CREBZF: variants seen among roughly 807,000 people sequenced by gnomAD.
CREBZF encodes the protein HCF-binding transcription factor Zhangfei.
Under a neutral mutation model 21.1 loss-of-function variants are expected in CREBZF, and 8 were observed. The observed-to-expected ratio is 0.38, with a 90% CI of 0.22 to 0.68. The LOEUF is 0.68. CREBZF is among the 30% of genes least tolerant of loss of function. CREBZF has a pLI of 0.51. For missense variants in CREBZF, 518 were observed against 484.3 expected (o/e 1.07, Z -0.65); for synonymous variants, 270 against 223.3 (o/e 1.21, Z -1.86).
At chr11:85,666,054 T>A (rs764238035), upstream of CREBZF, among the ~76,000 whole-genome samples, 14 of 152,244 alleles carry the variant, frequency 9.2e-5, no homozygotes, top group Non-Finnish European at 1.8e-4. Context: ...CCATCCTCAT[T>A]TTTTTTTCCT....
In CREBZF at chr11:85,663,650, T is replaced by C. The variant is rs773721626; in HGVS notation, c.*161A>G. On this transcript the variant is annotated 3_prime_UTR_variant, in exon 1 of 1. Transcript: ENST00000527447. ...CATGTTATCATTAGGAGTTGGTTAC[T>C]GTGTCACATTCATGCTTTTAGCTAA... The C allele has an allele frequency of 9.4e-6, 15 of 1,598,930 alleles. No homozygotes were observed. The highest frequency in any genetic ancestry group is 1.6e-4 in the Middle Eastern group (1 of 6,062).
upstream of CREBZF, among the ~76,000 whole-genome samples, chr11:85,669,896 C>T (rs1172383039): frequency 1.3e-5 from 2 of 152,184 alleles, no homozygotes; most frequent in African/African-American, 4.8e-5. Flanking sequence ...CAACCTCCAC[C>T]TCCTGGGTTC....
upstream of CREBZF, chr11:85,665,131 G>A: frequency 2.4e-6 from 1 of 411,678 alleles, no homozygotes; most frequent in Non-Finnish European, 4.4e-6. Context: ...CCGGAAGTCA[G>A]TGGTTTTCGC....
chr11:85,679,396 C>A (rs1251204988), intron 1 of CREBZF, among the ~76,000 whole-genome samples: 1 of 152,170 alleles, frequency 6.6e-6, no homozygotes, highest in East Asian at 1.9e-4. Flanking sequence ...AGCATAGTGT[C>A]TTGGCTAATA....
chr11:85,660,699 C>A lies in CREBZF; in HGVS notation c.*3112G>T. ...TTGTTGGATTATATCAGAGGTGTGA[C>A]TACATTTTAACAAAAGTGGACTTTT... is the stretch of plus-strand genomic sequence containing the variant. On this transcript the variant is annotated 3_prime_UTR_variant, in exon 1 of 1. Coordinates refer to ENST00000527447, the MANE Select transcript of CREBZF (RefSeq NM_001039618.4). 2.5e-6 allele frequency: 1 copy of A among 399,864 alleles called. No homozygotes were observed. The highest frequency in any genetic ancestry group is 2.1e-5 in the African/African-American group (1 of 46,780). The allele number at this position is 399,864 out of a possible 1,614,324, so 24.8% of individuals were successfully genotyped here. A position where few individuals can be genotyped will look rare whatever the true frequency, so the allele number is the denominator to read the frequency against.
In CREBZF at chr11:85,661,304, A is replaced by C. The variant is rs951506167; in HGVS notation, c.*2507T>G. 2 of 152,460 alleles carry C rather than the reference A, an allele frequency of 1.3e-5. No individual in the cohort carries two copies. Among genetic ancestry groups the C allele is most frequent in the Admixed American group, 6.5e-5 (1 of 15,272 alleles). 9.4% of individuals were successfully genotyped at this position (152,460 alleles called of 1,614,324 possible). On this transcript the variant is annotated 3_prime_UTR_variant, in exon 1 of 1. Transcript: ENST00000527447. ...ATGAAGTTGATGTAAAAAATGACAA[A>C]ATCACTAAGTCACCAAAACTAGAAA...
upstream of CREBZF, among the ~76,000 whole-genome samples, chr11:85,667,739 C>T (rs11234381): frequency 6.6e-6 from 1 of 152,154 alleles, no homozygotes; most frequent in East Asian, 1.9e-4. Flanking sequence ...AGGTGGAGCA[C>T]TTAAGGTCAG....
chr11:85,664,899 A>T lies in CREBZF; in HGVS notation c.-24T>A. On this transcript the variant is annotated 5_prime_UTR_variant, in exon 1 of 1. Coordinates refer to ENST00000527447, the MANE Select transcript of CREBZF (RefSeq NM_001039618.4). This position sits in a 1 kb window ranked among gnomAD's most constrained non-coding sequence, Gnocchi z 5.5. ...ATGAGGGCCAGCGGCGGGCCGCGGT[A>T]GGCCCCGGCCGCTAAGAGTGGGCCT... The T allele has an allele frequency of 1.4e-6, 2 of 1,437,356 alleles. No homozygotes were observed. Among genetic ancestry groups the T allele is most frequent in the Non-Finnish European group, 1.8e-6 (2 of 1,100,640 alleles). The allele number at this position is 1,437,356 out of a possible 1,614,324, so 89.0% of individuals were successfully genotyped here.
At chr11:85,668,930 A>T (rs545658561), upstream of CREBZF, among the ~76,000 whole-genome samples, 151 of 130,854 alleles carry the variant, frequency 1.2e-3, no homozygotes, top group Non-Finnish European at 2.0e-3. Flanking sequence ...TGAACCTGGG[A>T]GGCGGAGCTT....
Position 85,664,869 on chromosome 11 carries a change from G to A in CREBZF, c.7C>T (p.His3Tyr). The A allele has an allele frequency of 6.7e-7, 1 of 1,492,440 alleles. No individual in the cohort carries two copies. Among genetic ancestry groups the A allele is most frequent in the South Asian group, 1.4e-5 (1 of 73,556 alleles). The allele number at this position is 1,492,440 out of a possible 1,614,324, so 92.4% of individuals were successfully genotyped here. ...GCTGCCAGCAGCTTGGTCAGGCTAT[G>A]CCTCATGAGGGCCAGCGGCGGGCCG... is the stretch of plus-strand genomic sequence containing the variant. Reference protein sequence around the residue: MRHSLTKLLAASG... With the variant: MRYSLTKLLAASG... Residue 3 changes from histidine (H) to tyrosine (Y), a missense_variant, in exon 1 of 1, where the codon CAT (histidine) becomes TAT (tyrosine). Transcript: ENST00000527447. This position sits in a 1 kb window ranked among gnomAD's most constrained non-coding sequence, Gnocchi z 5.5.
chr11:85,671,932 G>A (rs1433872427), intron 1 of CREBZF, among the ~76,000 whole-genome samples: 2 of 152,222 alleles, frequency 1.3e-5, no homozygotes, highest in African/African-American at 4.8e-5. Context: ...GCCCCAGTGT[G>A]GACTCTGTGT....
chr11:85,664,761 C>A lies in CREBZF; in HGVS notation c.115G>T (p.Ala39Ser). ...CSLPSDLTRAAAGEEETAAAG... is the reference protein window; with the variant it reads ...CSLPSDLTRASAGEEETAAAG... ...GCCGCCGTCTCCTCCTCCCCCGCTG[C>A]AGCCCGGGTCAGGTCAGAGGGCAGC... The change falls in exon 1 of 1, where the codon GCA (alanine) becomes TCA (serine). Residue 39 changes from alanine to serine, a missense_variant. Around this residue, in one of 3 missense-constraint regions of CREBZF, gnomAD observed 396 missense variants for 324.4 expected, o/e 1.22. Transcript: ENST00000527447. The surrounding 1 kb of genome is among the most constrained non-coding windows in gnomAD (Gnocchi z 5.5). The A allele has an allele frequency of 6.2e-7, 1 of 1,607,770 alleles. No individual in the cohort carries two copies. The highest frequency in any genetic ancestry group is 1.1e-5 in the South Asian group (1 of 90,750).
At chr11:85,669,784 A>G (rs1405684548), upstream of CREBZF, among the ~76,000 whole-genome samples, 1 of 152,052 alleles carries the variant, frequency 6.6e-6, no homozygotes, top group Non-Finnish European at 1.5e-5. Flanking sequence ...TTACAACTGA[A>G]TTAACTAAAT....
At position 85,664,702 on chromosome 11, in the gene CREBZF, G is replaced by T; in HGVS notation, c.174C>A (p.Gly58=). ...AGSPGRKQQF[G]DEGELEAGRG... is the part of the protein sequence containing the mutation. The stretch of plus-strand genomic sequence containing the variant: ...TCCCGGCTTCCAACTCTCCTTCGTC[G>T]CCAAACTGCTGCTTGCGGCCGGGAG... The change falls in exon 1 of 1, where the codon GGC becomes GGA. Residue 58 remains glycine (G), a synonymous_variant. Transcript: ENST00000527447. This position sits in a 1 kb window ranked among gnomAD's most constrained non-coding sequence, Gnocchi z 5.5. The T allele has an allele frequency of 6.3e-7, 1 of 1,591,532 alleles. No individual in the cohort carries two copies. The highest frequency in any genetic ancestry group is 1.4e-5 in the African/African-American group (1 of 73,848).
Position 85,661,805 on chromosome 11 carries a change from T to G in CREBZF, c.*2006A>C, listed in dbSNP as rs2082689374. ...GACACCATATTTTTGTCATTGGTAC[T>G]GCACAAAATTATATACAAAGAAATA... On this transcript the variant is annotated 3_prime_UTR_variant, in exon 1 of 1. Coordinates refer to ENST00000527447, the MANE Select transcript of CREBZF (RefSeq NM_001039618.4). 6.6e-6 allele frequency: 1 copy of G among 152,496 alleles called. No homozygotes were observed. The highest frequency in any genetic ancestry group is 1.5e-5 in the Non-Finnish European group (1 of 67,988). The allele number at this position is 152,496 out of a possible 1,614,324, so 9.4% of individuals were successfully genotyped here.
chr11:85,682,798 G>A, exon 1 of CREBZF: 1 of 701,796 alleles, frequency 1.4e-6, no homozygotes, highest in East Asian at 2.7e-5. Context: ...GCAAAACTTA[G>A]GCCCCAAGGA....
At chr11:85,671,085 AATGG>A (rs1196654110) in intron 1 of CREBZF, among the ~76,000 whole-genome samples, 1 of 152,186 alleles carries the variant, frequency 6.6e-6, no homozygotes, top group Non-Finnish European at 1.5e-5. Context: ...AAAGAGGTTT[AATGG>A]ACTCACAGTT....
intron 1 of CREBZF, among the ~76,000 whole-genome samples, chr11:85,676,981 T>TTTTTTTTTTTTTTTTTA (rs1168587081): frequency 6.8e-6 from 1 of 147,640 alleles, no homozygotes; most frequent in South Asian, 2.2e-4. Flanking sequence ...TTTTTTTTTT[T>TTTTTTTTTTTTTTTTTA]GAGACAGAAT....
intron 1 of CREBZF, among the ~76,000 whole-genome samples, chr11:85,673,752 G>T (rs1381854488): frequency 6.6e-6 from 1 of 152,180 alleles, no homozygotes; most frequent in Non-Finnish European, 1.5e-5. Flanking sequence ...ACTTCTTTCA[G>T]AATTGGAGTC....
Sources: allele counts gnomAD v4.1 joint callset (sites outside exome capture counted in the v4.1 genomes callset), GRCh38; gene constraint gnomAD v4.1.1; regional missense constraint gnomAD v4.1.1; non-coding constraint Gnocchi (gnomAD v3.1); transcripts MANE v1.5; gene names NCBI Gene and HGNC (gene_info 2026-07-23, HGNC 2026-07-21).